The following CREBRF variants were observed in gnomAD, a reference collection of about 807,000 sequenced individuals.
The protein encoded by CREBRF is CREB3 regulatory factor.
CREBRF carries 5 observed loss-of-function variants against 66.1 expected under a neutral mutation model. The ratio of observed to expected loss-of-function variants is 0.08; its 90% CI spans 0.04 to 0.16. The LOEUF (loss-of-function observed/expected upper bound fraction) is 0.16. Among genes scored for constraint, CREBRF ranks in the 10% least tolerant of loss-of-function variants. CREBRF has a pLI of 1.00. For missense variants in CREBRF, 531 were observed against 744.9 expected, an observed-to-expected ratio of 0.71 and a Z score of 3.34; for synonymous variants, 229 against 264.4, an observed-to-expected ratio of 0.87 and a Z score of 1.30.
At chr5:173,083,311 A>G (rs1398068809) in intron 2 of CREBRF, among the ~76,000 whole-genome samples, 2 of 152,114 alleles carry the variant, frequency 1.3e-5, no homozygotes, top group African/African-American at 4.8e-5. Flanking sequence ...TATTTGACCC[A>G]CTTTAGGAGG....
At chr5:173,121,135 G>A (rs189332251) in intron 7 of CREBRF, among the ~76,000 whole-genome samples, 3 of 151,964 alleles carry the variant, frequency 2.0e-5, no homozygotes, top group East Asian at 1.9e-4. Context: ...CACCTTTTTC[G>A]TTACTGATAT....
rs1027197490 is a variant in CREBRF at position 173,061,070 on chromosome 5, C to T, written c.-192+4591C>T. On this transcript the variant is annotated intron_variant, in intron 1 of 8. Transcript: ENST00000296953. Reference sequence around the variant, plus strand: ...GCAACCTCCGCCTCCCGGGTTTAAGCGATTCTCCTGCCTCAGCCTTCTGAG... The same window carrying T: ...GCAACCTCCGCCTCCCGGGTTTAAGTGATTCTCCTGCCTCAGCCTTCTGAG... Among the ~76,000 whole-genome samples the T allele has an allele frequency of 5.3e-5, 8 of 152,094 alleles. No homozygotes were observed. The East Asian group carries it at 5.8e-4, about 11-fold the overall frequency.
At chr5:173,064,885 T>C (rs1415177229) in intron 1 of CREBRF, among the ~76,000 whole-genome samples, 1 of 151,838 alleles carries the variant, frequency 6.6e-6, no homozygotes, top group Admixed American at 6.6e-5. Context: ...TTTAAAAAAT[T>C]ATTTGTAGAG....
intron 4 of CREBRF, among the ~76,000 whole-genome samples, chr5:173,093,776 C>T (rs1280139760): frequency 6.6e-6 from 1 of 152,202 alleles, no homozygotes; most frequent in Non-Finnish European, 1.5e-5. Flanking sequence ...CTCAGCCTTC[C>T]AAAGTGCTGG....
chr5:173,111,979 G>A (rs1244420646), intron 6 of CREBRF, among the ~76,000 whole-genome samples: 1 of 152,144 alleles, frequency 6.6e-6, no homozygotes, highest in Non-Finnish European at 1.5e-5. Flanking sequence ...TTTTAAATGT[G>A]TGCTAAATTT....
intron 4 of CREBRF, among the ~76,000 whole-genome samples, chr5:173,098,189 C>CT (rs1272404813): frequency 0.04 from 5,650 of 139,990 alleles, 148 homozygotes; most frequent in South Asian, 0.091. Flanking sequence ...AATTTTCCTT[C>CT]TTTTTTTTTT....
chr5:173,133,147 A>T (rs1759515133), intron 8 of CREBRF, among the ~76,000 whole-genome samples: 1 of 152,178 alleles, frequency 6.6e-6, no homozygotes, highest in South Asian at 2.1e-4. Flanking sequence ...TTAAATGAAG[A>T]AAAGGAAACT....
chr5:173,136,883 G>A lies in CREBRF; in HGVS notation c.*3138G>A, dbSNP rs907840960. 2.6e-5 allele frequency: 4 copies of A among 151,842 alleles called. No homozygotes were observed. Among genetic ancestry groups the A allele is most frequent in the Non-Finnish European group, 5.9e-5 (4 of 67,800 alleles). The allele number at this position is 151,842 out of a possible 1,614,324, so 9.4% of individuals were successfully genotyped here. ...TCCAGAATCTTACTTTTAAGTGAAG[G>A]CATTGTGAATTCACCTCAAGTAAAC... On this transcript the variant is annotated 3_prime_UTR_variant, in exon 9 of 9. Coordinates refer to ENST00000296953, the MANE Select transcript of CREBRF (RefSeq NM_153607.3).
chr5:173,130,814 A>C (rs898195648), intron 8 of CREBRF, among the ~76,000 whole-genome samples: 2 of 152,002 alleles, frequency 1.3e-5, no homozygotes, highest in Admixed American at 6.6e-5. Flanking sequence ...GATTTAAATG[A>C]TTCTCCTGCC....
At chr5:173,089,131 C>T (rs1168983027) in intron 3 of CREBRF, among the ~76,000 whole-genome samples, 3 of 147,942 alleles carry the variant, frequency 2.0e-5, no homozygotes, top group Non-Finnish European at 3.0e-5. Flanking sequence ...GAGCCAAGAT[C>T]GCGCCACTGC....
chr5:173,093,237 T>G (rs952729977), intron 4 of CREBRF, among the ~76,000 whole-genome samples: 1 of 151,568 alleles, frequency 6.6e-6, no homozygotes, highest in Admixed American at 6.6e-5. Context: ...TCAGAAGGAG[T>G]CAGTAAATCC....
At chr5:173,117,517 T>TC (rs1554126341) in intron 7 of CREBRF, among the ~76,000 whole-genome samples, 5,726 of 53,934 alleles carry the variant, frequency 0.11, 373 homozygotes, top group Non-Finnish European at 0.15. Context: ...TGCCTTCCCT[T>TC]CCCTCCCCTC....
chr5:173,060,826 A>G (rs1386952852), intron 1 of CREBRF, among the ~76,000 whole-genome samples: 1 of 152,030 alleles, frequency 6.6e-6, no homozygotes, highest in Non-Finnish European at 1.5e-5. Context: ...TAGCATGGAA[A>G]CAGCTGTAGA....
intron 8 of CREBRF, among the ~76,000 whole-genome samples, chr5:173,128,982 A>G (rs1481381936): frequency 6.7e-6 from 1 of 148,978 alleles, no homozygotes; most frequent in Middle Eastern, 3.9e-3. Context: ...GGGTTTCACC[A>G]TGTTAGCCAG....
chr5:173,101,403 CTT>C (rs1758624882), intron 4 of CREBRF, among the ~76,000 whole-genome samples: 5 of 152,082 alleles, frequency 3.3e-5, no homozygotes, highest in African/African-American at 1.2e-4. Context: ...ATCTCACTCT[CTT>C]CTAGCCTTCA....
chr5:173,092,188 T>C, intron 4 of CREBRF: 1 of 955,230 alleles, frequency 1.0e-6, no homozygotes, highest in Non-Finnish European at 1.2e-6. Context: ...CAAGTGATGA[T>C]GGTTTATATT....
intron 1 of CREBRF, among the ~76,000 whole-genome samples, chr5:173,059,453 G>T (rs1010379349): frequency 6.6e-6 from 1 of 151,480 alleles, no homozygotes; most frequent in Non-Finnish European, 1.5e-5. Context: ...TAGTAGAGAC[G>T]GGGTTTCACC....
intron 1 of CREBRF, among the ~76,000 whole-genome samples, chr5:173,071,596 A>G (rs945006111): frequency 1.5e-4 from 23 of 151,816 alleles, no homozygotes; most frequent in African/African-American, 5.5e-4. Context: ...CTCCTGCCTC[A>G]GCCTCCCAAA....
chr5:173,132,688 C>G (rs1390036562), intron 8 of CREBRF, among the ~76,000 whole-genome samples: 1 of 146,658 alleles, frequency 6.8e-6, no homozygotes, highest in Non-Finnish European at 1.5e-5. Context: ...CAACCTCCAC[C>G]CCCCGGGTTC....
Sources: gnomAD v4.1 joint callset for allele counts (sites outside exome capture counted in the v4.1 genomes callset) on GRCh38, gnomAD v4.1.1 for gene constraint, MANE v1.5 for transcripts, NCBI Gene and HGNC (gene_info 2026-07-23, HGNC 2026-07-21) for gene names.